Variants in ZNF416 observed in about 807,000 individuals in gnomAD.
ZNF416 encodes zinc finger protein 416.
Under a neutral mutation model 10.9 loss-of-function variants are expected in ZNF416, and 5 were observed. The observed-to-expected ratio is 0.46, with a 90% CI of 0.24 to 0.97. The LOEUF (loss-of-function observed/expected upper bound fraction) is 0.97, where lower values mean the gene tolerates loss of function less well. Ranked by LOEUF, ZNF416 falls within the 50% of genes least tolerant of loss-of-function variation. The pLI, the probability that ZNF416 is intolerant of heterozygous loss-of-function variation, is 0.19. For synonymous variants in ZNF416, 267 were observed against 251.8 expected, an observed-to-expected ratio of 1.06 and a Z score of -0.57; for missense variants, 675 against 715.0, an observed-to-expected ratio of 0.94 and a Z score of 0.64.
At chr19:57,578,465 A>T in intron 1 of ZNF416, 1 of 554,760 alleles carries the variant, frequency 1.8e-6, no homozygotes. Context: ...CAATCGTCCC[A>T]GCAAGATTCA....
In ZNF416 at chr19:57,572,547, G is replaced by A; in HGVS notation, c.1357C>T (p.Leu453Phe). 2 of 1,614,094 alleles carry A rather than the reference G, an allele frequency of 1.2e-6. No homozygotes were observed. Among genetic ancestry groups the A allele is most frequent in the Non-Finnish European group, 8.5e-7 (1 of 1,180,026 alleles). The change falls in exon 4 of 4, where the codon CTC (leucine) becomes TTC (phenylalanine). Residue 453 changes from leucine to phenylalanine, a missense_variant. Leu to Phe is a conservative substitution (Grantham distance 22). Coordinates refer to ENST00000196489, the MANE Select transcript of ZNF416 (RefSeq NM_017879.3). The surrounding 1 kb of genome is among the most constrained non-coding windows in gnomAD (Gnocchi z 4.5). ...CGKSFSQRTT[L>F]NKHHKVHTAE... The stretch of plus-strand genomic sequence containing the variant: ...GTGTGAACTTTGTGGTGTTTATTGA[G>A]GGTGGTTCTTTGGCTAAAGGATTTT...
In ZNF416 at chr19:57,575,751, G is replaced by GA; in HGVS notation, c.202+52dup. On this transcript the variant is annotated intron_variant, in intron 3 of 3. Coordinates refer to ENST00000196489, the MANE Select transcript of ZNF416 (RefSeq NM_017879.3). This position sits in a 1 kb window ranked among gnomAD's most constrained non-coding sequence, Gnocchi z 4.4. ...ACGGTCCGGCAGAGCTGCCTCTGAGGAAAAAGAGGATAGACGAAGACCAGG... is the reference window on the plus strand; with the variant it reads ...ACGGTCCGGCAGAGCTGCCTCTGAGGAAAAAAGAGGATAGACGAAGACCAGG... 6.2e-7 allele frequency: 1 copy of GA among 1,612,640 alleles called. No homozygotes were observed. The highest frequency in any genetic ancestry group is 1.3e-5 in the African/African-American group (1 of 75,004).
At chr19:57,573,874 A>G (rs1978425010) in intron 3 of ZNF416, among the ~76,000 whole-genome samples, 173 bp from the exon 4 acceptor site, 1 of 152,150 alleles carries the variant, frequency 6.6e-6, no homozygotes, top group African/African-American at 2.4e-5. Context: ...TGGCTCTACT[A>G]AAAATACAAA....
intron 3 of ZNF416, among the ~76,000 whole-genome samples, chr19:57,574,752 T>C (rs1427666149): frequency 6.6e-6 from 1 of 152,294 alleles, no homozygotes; most frequent in Admixed American, 6.5e-5. Context: ...CTCCAATCTA[T>C]TCTTTTGCCA....
At chr19:57,576,336 G>A (rs1269001420) in intron 2 of ZNF416, among the ~76,000 whole-genome samples, 1 of 152,056 alleles carries the variant, frequency 6.6e-6, no homozygotes, top group Admixed American at 6.5e-5. Context: ...ACTCTTTGAA[G>A]CACACACTCT....
chr19:57,578,387 C>T, intron 1 of ZNF416: 1 of 543,020 alleles, frequency 1.8e-6, no homozygotes, highest in Non-Finnish European at 3.2e-6. Flanking sequence ...TTCACAACCA[C>T]CCATGGCTCT....
intron 1 of ZNF416, 63 bp from the exon 2 acceptor site, chr19:57,578,161 C>T: frequency 1.3e-6 from 2 of 1,554,064 alleles, no homozygotes; most frequent in South Asian, 1.1e-5. Flanking sequence ...GGGCTGATGC[C>T]TCCTTGTTTC....
intron 2 of ZNF416, among the ~76,000 whole-genome samples, chr19:57,577,135 C>T (rs1341810858): frequency 6.6e-6 from 1 of 152,122 alleles, no homozygotes; most frequent in East Asian, 1.9e-4. Context: ...GTGGCCACCA[C>T]CTTTTAAATG....
intron 2 of ZNF416, among the ~76,000 whole-genome samples, chr19:57,576,740 G>A: frequency 6.6e-6 from 1 of 152,106 alleles, no homozygotes; most frequent in East Asian, 1.9e-4. Flanking sequence ...ATGACCACCT[G>A]TGCCCCTCAA....
intron 3 of ZNF416, among the ~76,000 whole-genome samples, chr19:57,574,057 T>A (rs1308146817): frequency 6.6e-6 from 1 of 151,984 alleles, no homozygotes; most frequent in African/African-American, 2.4e-5. Flanking sequence ...TAAAAAACAT[T>A]GCTGGCTGGG....
In ZNF416 at chr19:57,578,737, G is replaced by A. The variant is rs748363994; in HGVS notation, c.-33C>T. Reference sequence around the variant, plus strand: ...TGAGCGGAGCGGGGCCGGGAGCGGCGGGCGACCCGGGGCGGGAACCCAGGC... The same window carrying A: ...TGAGCGGAGCGGGGCCGGGAGCGGCAGGCGACCCGGGGCGGGAACCCAGGC... On this transcript the variant is annotated 5_prime_UTR_variant, in exon 1 of 4. Transcript: ENST00000196489. 9.0e-6 allele frequency: 13 copies of A among 1,443,892 alleles called. No homozygotes were observed. The East Asian group carries it at 1.7e-4, about 19-fold the overall frequency. 89.4% of individuals were successfully genotyped at this position (1,443,892 alleles called of 1,614,324 possible).
chr19:57,572,318 TTCC>T lies in ZNF416; in HGVS notation c.1583_1585del (p.Gly528_Lys529delinsGlu), dbSNP rs1218065949. On this transcript the variant is annotated inframe_deletion, in exon 4 of 4. Coordinates refer to ENST00000196489, the MANE Select transcript of ZNF416 (RefSeq NM_017879.3). The surrounding 1 kb of genome is among the most constrained non-coding windows in gnomAD (Gnocchi z 4.5). ...GAGGCTAGACTTTTGGATAAAGGATTTCCCGCACTGTCCACAGTCGTAAGGCCT... is the reference window on the plus strand; with the variant it reads ...GAGGCTAGACTTTTGGATAAAGGATTCGCACTGTCCACAGTCGTAAGGCCT... The T allele has an allele frequency of 6.2e-7, 1 of 1,614,044 alleles. No homozygotes were observed. The highest frequency in any genetic ancestry group is 1.3e-5 in the African/African-American group (1 of 74,902).
intron 3 of ZNF416, among the ~76,000 whole-genome samples, chr19:57,574,607 C>T (rs1395832350): frequency 1.3e-5 from 2 of 152,128 alleles, no homozygotes; most frequent in Non-Finnish European, 2.9e-5. Flanking sequence ...TGCTTTGAAG[C>T]AATATTGAGG....
intron 3 of ZNF416, among the ~76,000 whole-genome samples, chr19:57,574,792 G>A (rs1280424568): frequency 1.3e-5 from 2 of 152,154 alleles, no homozygotes; most frequent in Admixed American, 6.5e-5. Flanking sequence ...GTCAGCTGGT[G>A]GCACGTGTAT....
chr19:57,572,276 A>T lies in ZNF416; in HGVS notation c.1628T>A (p.Val543Asp), dbSNP rs1261795356. The change falls in exon 4 of 4, where the codon GTT (valine) becomes GAT (aspartate). Residue 543 changes from valine to aspartate, a missense_variant. Val to Asp is a radical substitution (Grantham distance 152). Coordinates refer to ENST00000196489, the MANE Select transcript of ZNF416 (RefSeq NM_017879.3). The surrounding 1 kb of genome is among the most constrained non-coding windows in gnomAD (Gnocchi z 4.5). Reference sequence around the variant, plus strand: ...CTCATATGGCCTTTCTCCTGTGTGAACCACTTGGTGTTGAATGAGGCTAGA... The same window carrying T: ...CTCATATGGCCTTTCTCCTGTGTGATCCACTTGGTGTTGAATGAGGCTAGA... ...QKSSLIQHQV[V>D]HTGERPYECG... The T allele has an allele frequency of 3.1e-6, 5 of 1,613,900 alleles. No homozygotes were observed. The highest frequency in any genetic ancestry group is 4.2e-6 in the Non-Finnish European group (5 of 1,179,960).
At chr19:57,577,276 T>TA (rs2123398654) in intron 2 of ZNF416, among the ~76,000 whole-genome samples, 1 of 144,296 alleles carries the variant, frequency 6.9e-6, no homozygotes, top group East Asian at 2.0e-4. Context: ...TCAGATGATT[T>TA]TTATTAAAAA....
Position 57,572,125 on chromosome 19 carries a change from A to C in ZNF416, c.1779T>G (p.Ile593Met), listed in dbSNP as rs752993319. The change falls in exon 4 of 4, where the codon ATT becomes ATG. Residue 593 changes from isoleucine to methionine, a missense_variant. Coordinates refer to ENST00000196489, the MANE Select transcript of ZNF416 (RefSeq NM_017879.3). The surrounding 1 kb of genome is among the most constrained non-coding windows in gnomAD (Gnocchi z 4.5). ...AGGTTTGGAGTTTCAAGAGTTAAAC[A>C]ATGTTAGATCTTGGGCTGTAGGGTT... ...CGKPYSPRSN[I>M]V The C allele has an allele frequency of 1.2e-6, 2 of 1,607,592 alleles. No individual in the cohort carries two copies. Among genetic ancestry groups the C allele is most frequent in the East Asian group, 4.5e-5 (2 of 44,698 alleles).
In ZNF416 at chr19:57,571,710, G is replaced by A. The variant is rs1459472653; in HGVS notation, c.*409C>T. The A allele has an allele frequency of 6.0e-6, 1 of 165,908 alleles. No individual in the cohort carries two copies. The highest frequency in any genetic ancestry group is 1.3e-5 in the Non-Finnish European group (1 of 76,226). 10.3% of individuals were successfully genotyped at this position (165,908 alleles called of 1,614,324 possible). On this transcript the variant is annotated 3_prime_UTR_variant, in exon 4 of 4. Coordinates refer to ENST00000196489, the MANE Select transcript of ZNF416 (RefSeq NM_017879.3). ...CCATGAAGGGAAGCCTTCCACATCAGCTTCCAGCAGAACCCAGGCTGGGCC... is the reference window on the plus strand; with the variant it reads ...CCATGAAGGGAAGCCTTCCACATCAACTTCCAGCAGAACCCAGGCTGGGCC...
chr19:57,578,138 G>C, intron 1 of ZNF416, 40 bp from the exon 2 acceptor site: 5 of 1,611,790 alleles, frequency 3.1e-6, no homozygotes, highest in Non-Finnish European at 4.2e-6. Flanking sequence ...GGTAACTATG[G>C]TGGAAGCTCC....
Sources: gnomAD v4.1 joint callset for allele counts (sites outside exome capture counted in the v4.1 genomes callset) on GRCh38, gnomAD v4.1.1 for gene constraint, Gnocchi (gnomAD v3.1) non-coding constraint, MANE v1.5 for transcripts, NCBI Gene and HGNC (gene_info 2026-07-23, HGNC 2026-07-21) for gene names.